The following ZNF568 variants were observed in gnomAD, a reference collection of about 807,000 sequenced individuals.
ZNF568 encodes zinc finger protein 568.
A neutral mutation model predicts 18.1 loss-of-function variants in ZNF568; 11 were observed. The ratio of observed to expected loss-of-function variants is 0.61; its 90% CI spans 0.38 to 1.00. The LOEUF (loss-of-function observed/expected upper bound fraction) is 1.00, where lower values mean the gene tolerates loss of function less well. ZNF568 is among the 50% of genes least tolerant of loss of function. The pLI, the probability that ZNF568 is intolerant of heterozygous loss-of-function variation, is 0.01. For synonymous variants in ZNF568, 213 were observed against 246.6 expected, an observed-to-expected ratio of 0.86 and a Z score of 1.28; for missense variants, 639 against 768.2, an observed-to-expected ratio of 0.83 and a Z score of 1.99.
Position 36,950,834 on chromosome 19 carries a change from A to G in ZNF568, c.1681A>G (p.Asn561Asp). ...TACTGGAGAGAAACCATTCAAATGT[A>G]ATGAATGTGGTAAAGCCTTCTCTCG... The part of the protein sequence containing the change: ...IHTGEKPFKC[N>D]ECGKAFSRIS... Residue 561 changes from asparagine (N) to aspartate (D), a missense_variant, in exon 7 of 7, where the codon AAT (asparagine) becomes GAT (aspartate). Transcript: ENST00000333987. 5.6e-6 allele frequency: 9 copies of G among 1,613,836 alleles called. No homozygotes were observed. The highest frequency in any genetic ancestry group is 7.6e-6 in the Non-Finnish European group (9 of 1,179,950).
intron 2 of ZNF568, among the ~76,000 whole-genome samples, chr19:36,917,887 A>G (rs62115611): frequency 0.2 from 30,679 of 151,930 alleles, 3,768 homozygotes; most frequent in African/African-American, 0.34. Flanking sequence ...CAAAATATCC[A>G]CCAATTTCTG....
downstream of ZNF568, among the ~76,000 whole-genome samples, chr19:36,983,051 T>C (rs572981220): frequency 4.1e-4 from 63 of 152,376 alleles, no homozygotes; most frequent in Admixed American, 1.1e-3. Flanking sequence ...AAAAGAATTA[T>C]ATTTTATGAC....
At chr19:36,988,817 C>T (rs1383622327) in intron 2 of ZNF568, among the ~76,000 whole-genome samples, 1 of 152,092 alleles carries the variant, frequency 6.6e-6, no homozygotes, top group African/African-American at 2.4e-5. Context: ...GTTAGTGTAT[C>T]TATCACCTCA....
At chr19:36,937,110 C>A in intron 5 of ZNF568, 37 bp from the exon 6 acceptor site, 1 of 1,583,488 alleles carries the variant, frequency 6.3e-7, no homozygotes, top group Non-Finnish European at 8.7e-7. Context: ...TTGTCTCCAG[C>A]ATTGACATCC....
chr19:36,988,191 C>T (rs897807322), intron 2 of ZNF568, among the ~76,000 whole-genome samples: 8 of 151,990 alleles, frequency 5.3e-5, no homozygotes, highest in South Asian at 2.1e-4. Context: ...TGGACCCAAG[C>T]GATCCTCCCA....
chr19:36,972,871 C>T (rs1183244608), intron 6 of ZNF568, among the ~76,000 whole-genome samples: 2 of 152,248 alleles, frequency 1.3e-5, no homozygotes, highest in Admixed American at 1.3e-4. Context: ...ACTTCGCGGA[C>T]TCTGGAAGCC....
intron 6 of ZNF568, among the ~76,000 whole-genome samples, chr19:36,964,969 G>A (rs1463374028): frequency 7.1e-6 from 1 of 139,878 alleles, no homozygotes; most frequent in Admixed American, 7.1e-5. Context: ...CGCTCTCCTA[G>A]TTGGGACACT....
At chr19:36,966,407 G>A (rs2074195681) in intron 6 of ZNF568, among the ~76,000 whole-genome samples, 1 of 152,152 alleles carries the variant, frequency 6.6e-6, no homozygotes, top group Admixed American at 6.5e-5. Context: ...CATCATGCCT[G>A]GTCCATCTTC....
chr19:36,981,780 A>G (rs2074333380), downstream of ZNF568, among the ~76,000 whole-genome samples: 1 of 152,068 alleles, frequency 6.6e-6, no homozygotes. Context: ...AGGCTGAGGT[A>G]GGAGAATCAC....
At position 36,950,353 on chromosome 19, in the gene ZNF568, T is replaced by G. The variant is rs1248690678; in HGVS notation, c.1200T>G (p.Ser400=). Residue 400 remains serine (S), a synonymous_variant, in exon 7 of 7, where the codon TCT becomes TCG. Transcript: ENST00000333987. ...YKCNKCGKAF[S]QCSVFIIHMR... is the part of the protein sequence containing the mutation. ...GTAATAAATGTGGAAAAGCTTTCTC[T>G]CAATGCTCAGTATTTATTATACATA... 6.2e-7 allele frequency: 1 copy of G among 1,613,878 alleles called. No individual in the cohort carries two copies. The highest frequency in any genetic ancestry group is 8.5e-7 in the Non-Finnish European group (1 of 1,179,824).
At chr19:36,981,369 T>C (rs2074329942), downstream of ZNF568, among the ~76,000 whole-genome samples, 1 of 152,216 alleles carries the variant, frequency 6.6e-6, no homozygotes, top group African/African-American at 2.4e-5. Flanking sequence ...CCAGTTGGGA[T>C]AATGATTTAT....
chr19:36,927,902 TA>T (rs2073606795), intron 4 of ZNF568, among the ~76,000 whole-genome samples: 1 of 34,742 alleles, frequency 2.9e-5, no homozygotes, highest in Non-Finnish European at 5.5e-5. Context: ...TATATATATA[TA>T]TTTTTTTTTT....
intron 6 of ZNF568, among the ~76,000 whole-genome samples, chr19:36,968,737 CAT>C (rs982286896): frequency 1.3e-5 from 2 of 148,574 alleles, no homozygotes; most frequent in African/African-American, 4.9e-5. Context: ...AAAAAAAAAA[CAT>C]GTTTAGTACT....
At chr19:36,992,622 C>T (rs1400025025) in intron 4 of ZNF568, among the ~76,000 whole-genome samples, 1 of 152,160 alleles carries the variant, frequency 6.6e-6, no homozygotes, top group Non-Finnish European at 1.5e-5. Flanking sequence ...CTGTGACAAC[C>T]ATTTTACTTG....
chr19:36,971,919 A>G (rs1371809263), intron 6 of ZNF568, among the ~76,000 whole-genome samples: 1 of 148,062 alleles, frequency 6.8e-6, no homozygotes, highest in Non-Finnish European at 1.5e-5. Flanking sequence ...GGCTCACTGC[A>G]ACCTCCGCCT....
intron 2 of ZNF568, among the ~76,000 whole-genome samples, chr19:36,920,988 G>A (rs563575494): frequency 1.8e-4 from 28 of 152,180 alleles, no homozygotes; most frequent in Admixed American, 1.8e-3. Context: ...ATACAGGTTC[G>A]TAGCCTAGGA....
chr19:36,919,106 A>G (rs1263240205), intron 2 of ZNF568, among the ~76,000 whole-genome samples: 2 of 152,212 alleles, frequency 1.3e-5, no homozygotes, highest in African/African-American at 4.8e-5. Context: ...GTATACAACT[A>G]TCTGAGTCCC....
At chr19:36,988,519 C>T (rs973709171) in intron 2 of ZNF568, among the ~76,000 whole-genome samples, 12 of 152,112 alleles carry the variant, frequency 7.9e-5, no homozygotes, top group Admixed American at 5.9e-4. Context: ...AGGGAAGGTG[C>T]GGGACACTTT....
intron 4 of ZNF568, among the ~76,000 whole-genome samples, chr19:36,932,129 T>C (rs2073697203): frequency 6.6e-6 from 1 of 152,248 alleles, no homozygotes; most frequent in Non-Finnish European, 1.5e-5. Context: ...CATTGATTAA[T>C]GGAAATTTGA....
Sources: gnomAD v4.1 joint callset for allele counts (sites outside exome capture counted in the v4.1 genomes callset) on GRCh38, gnomAD v4.1.1 for gene constraint, MANE v1.5 for transcripts, NCBI Gene and HGNC (gene_info 2026-07-23, HGNC 2026-07-21) for gene names.